The following ZNF839 variants were observed in gnomAD, a reference collection of about 807,000 sequenced individuals.
ZNF839 encodes renal carcinoma antigen NY-REN-50.
In ZNF839, 38 loss-of-function variants were observed where a neutral mutation model predicts 56.4. The observed-to-expected ratio is 0.67, with a 90% CI of 0.52 to 0.88. The LOEUF is 0.88. Ranked by LOEUF, ZNF839 falls within the 40% of genes least tolerant of loss-of-function variation. The pLI, the probability that ZNF839 is intolerant of heterozygous loss-of-function variation, is 0.00. For missense variants in ZNF839, 1,091 were observed against 1,177.6 expected (o/e 0.93, Z 1.08); for synonymous variants, 486 against 493.5 (o/e 0.98, Z 0.20).
In ZNF839 at chr14:102,326,566, A is replaced by T; in HGVS notation, c.870A>T (p.Glu290Asp). The T allele has an allele frequency of 1.2e-6, 2 of 1,614,012 alleles. No homozygotes were observed. The highest frequency in any genetic ancestry group is 1.7e-6 in the Non-Finnish European group (2 of 1,179,874). The change falls in exon 2 of 8, where the codon GAA (glutamate) becomes GAT (aspartate). Residue 290 changes from glutamate (E) to aspartate (D), a missense_variant. Physicochemically the swap from Glu to Asp is conservative, Grantham distance 45. This residue lies in a region of ZNF839 where 614 missense variants were observed against 629.2 expected (regional missense o/e 0.98). Transcript: ENST00000442396. The surrounding 1 kb of genome is among the most constrained non-coding windows in gnomAD (Gnocchi z 4.3). ...SDDYSELCVE[E>D]DEDQRERHAL... is the part of the protein sequence containing the mutation. Reference sequence around the variant, plus strand: ...ATTACTCAGAACTCTGTGTGGAAGAAGATGAAGATCAGAGGGAGAGGCACG... The same window carrying T: ...ATTACTCAGAACTCTGTGTGGAAGATGATGAAGATCAGAGGGAGAGGCACG...
At position 102,320,025 on chromosome 14, in the gene ZNF839, C is replaced by T; in HGVS notation, c.260C>T (p.Pro87Leu). The T allele has an allele frequency of 2.5e-6, 3 of 1,180,172 alleles. No homozygotes were observed. The highest frequency in any genetic ancestry group is 3.1e-6 in the Non-Finnish European group (3 of 955,162). The allele number at this position is 1,180,172 out of a possible 1,614,324, so 73.1% of individuals were successfully genotyped here. The change falls in exon 1 of 8, where the codon CCG (proline) becomes CTG (leucine). Residue 87 changes from proline (P) to leucine (L), a missense_variant. Pro to Leu is a moderately conservative substitution (Grantham distance 98, BLOSUM62 -3). Around this residue, in one of 3 missense-constraint regions of ZNF839, gnomAD observed 614 missense variants for 629.2 expected, o/e 0.98. Coordinates refer to ENST00000442396, the MANE Select transcript of ZNF839 (RefSeq NM_018335.6). Reference protein sequence around the residue: ...ALQRGRGTEPPRLPRLLPPQQ... With the variant: ...ALQRGRGTEPLRLPRLLPPQQ... ...CAGCGGGGCCGGGGCACCGAGCCCC[C>T]GCGCCTGCCGCGCCTGCTCCCGCCC...
upstream of ZNF839, among the ~76,000 whole-genome samples, chr14:102,318,249 G>T (rs375170438): frequency 2.4e-4 from 37 of 152,356 alleles, 2 homozygotes; most frequent in East Asian, 6.9e-3. Context: ...GGAATCGGTG[G>T]AGGTTGCTGC....
Position 102,336,694 on chromosome 14 carries a change from A to G in ZNF839, c.1659+856A>G, listed in dbSNP as rs761687850. 108 of 406,988 alleles carry G rather than the reference A, an allele frequency of 2.7e-4. 1 individual carries two copies. Among genetic ancestry groups the G allele is most frequent in the South Asian group, 1.7e-3 (95 of 54,950 alleles). 25.2% of individuals were successfully genotyped at this position (406,988 alleles called of 1,614,324 possible). Reference sequence around the variant, plus strand: ...GGAAAACACCATAATCTTCCCACTCACTGATGATCAGAGTTAAAACCTCAG... The same window carrying G: ...GGAAAACACCATAATCTTCCCACTCGCTGATGATCAGAGTTAAAACCTCAG... On this transcript the variant is annotated intron_variant, in intron 5 of 7. Transcript: ENST00000442396.
chr14:102,323,392 C>T (rs1243565793), intron 1 of ZNF839, among the ~76,000 whole-genome samples: 1 of 152,228 alleles, frequency 6.6e-6, no homozygotes, highest in Non-Finnish European at 1.5e-5. Context: ...CTCATTATTT[C>T]TGCTCTGTGA....
chr14:102,338,154 G>A (rs1358109987), intron 5 of ZNF839, among the ~76,000 whole-genome samples: 1 of 152,238 alleles, frequency 6.6e-6, no homozygotes, highest in Non-Finnish European at 1.5e-5. Flanking sequence ...GTCAGTAAAG[G>A]AGGGATAGTG....
intron 2 of ZNF839, chr14:102,331,400 C>A: frequency 2.1e-6 from 1 of 471,038 alleles, no homozygotes; most frequent in Non-Finnish European, 3.8e-6. Context: ...AGGCGCGCGC[C>A]ACCGCGCCTG....
At chr14:102,321,162 T>G (rs2073107816) in intron 1 of ZNF839, among the ~76,000 whole-genome samples, 1 of 152,226 alleles carries the variant, frequency 6.6e-6, no homozygotes, top group Admixed American at 6.5e-5. Flanking sequence ...TAAGTCAACC[T>G]TTTTGGACTT....
intron 2 of ZNF839, among the ~76,000 whole-genome samples, chr14:102,329,925 G>A (rs1186651763): frequency 6.8e-6 from 1 of 147,500 alleles, no homozygotes; most frequent in Admixed American, 6.8e-5. Flanking sequence ...TCCCGAGTAG[G>A]TGGGATTACA....
At chr14:102,325,544 C>G (rs964685373) in intron 1 of ZNF839, among the ~76,000 whole-genome samples, 6 of 151,886 alleles carry the variant, frequency 4.0e-5, no homozygotes, top group Non-Finnish European at 7.4e-5. Context: ...GTTGCCCAGG[C>G]TGGAGTGCAG....
intron 1 of ZNF839, among the ~76,000 whole-genome samples, chr14:102,324,936 C>G (rs2073330039): frequency 6.6e-6 from 1 of 152,022 alleles, no homozygotes; most frequent in Non-Finnish European, 1.5e-5. Flanking sequence ...GGCGACAGAG[C>G]AAGGGTCCGT....
At chr14:102,336,733 C>T (rs1247288823) in intron 5 of ZNF839, 32 of 291,326 alleles carry the variant, frequency 1.1e-4, no homozygotes, top group South Asian at 2.0e-4. Context: ...TCATTTTCTT[C>T]TTTTTTTTTT....
Position 102,331,641 on chromosome 14 carries a change from T to C in ZNF839, c.1211T>C (p.Val404Ala), listed in dbSNP as rs2073786747. ...GTCTAGAATGGTCAGTCTGTAGACGTTGAAGAGACATTGCCATCTGAACCA... is the reference window on the plus strand; with the variant it reads ...GTCTAGAATGGTCAGTCTGTAGACGCTGAAGAGACATTGCCATCTGAACCA... ...GGLQNGQSVD[V>A]EETLPSEPEN... Residue 404 changes from valine to alanine, a missense_variant, in exon 3 of 8, where the codon GTT becomes GCT. Physicochemically the swap from Val to Ala is moderately conservative, Grantham distance 64. Coordinates refer to ENST00000442396, the MANE Select transcript of ZNF839 (RefSeq NM_018335.6). The C allele has an allele frequency of 1.2e-6, 2 of 1,611,724 alleles. No homozygotes were observed. The highest frequency in any genetic ancestry group is 1.1e-5 in the South Asian group (1 of 90,560).
rs1173200996 is a variant in ZNF839 at position 102,342,282 on chromosome 14, A to G, written c.*103A>G. 1.4e-6 allele frequency: 2 copies of G among 1,430,692 alleles called. No homozygotes were observed. The highest frequency in any genetic ancestry group is 1.9e-6 in the Non-Finnish European group (2 of 1,061,296). 88.6% of individuals were successfully genotyped at this position (1,430,692 alleles called of 1,614,324 possible). A position where few individuals can be genotyped will look rare whatever the true frequency, so the allele number is the denominator to read the frequency against. Reference sequence around the variant, plus strand: ...TAGATTCGTCTGATTTTATCCAGAGAAGGTCTATGGCAAGCAATGTATATT... The same window carrying G: ...TAGATTCGTCTGATTTTATCCAGAGGAGGTCTATGGCAAGCAATGTATATT... On this transcript the variant is annotated 3_prime_UTR_variant, in exon 8 of 8. Transcript: ENST00000442396.
rs1158691824 is a variant in ZNF839, at chr14:102,328,354, C to CAAA, written c.1191+1487_1191+1489dup. ...GGGCAACAAGAGTGAAACTCCATCT[C>CAAA]AAAAAAAAAAAAAAAAAAAAAATAT... On this transcript the variant is annotated intron_variant, in intron 2 of 7. Transcript: ENST00000442396. Among the ~76,000 whole-genome samples the CAAA allele has an allele frequency of 1.6e-3, 46 of 28,892 alleles. 2 individuals are homozygous for CAAA. Among genetic ancestry groups the CAAA allele is most frequent in the Non-Finnish European group, 2.2e-3 (35 of 15,924 alleles). The allele number at this position is 28,892 out of a possible 152,430, so 19.0% of individuals were successfully genotyped here.
At chr14:102,321,708 T>G (rs903072478) in intron 1 of ZNF839, among the ~76,000 whole-genome samples, 5 of 152,062 alleles carry the variant, frequency 3.3e-5, no homozygotes, top group Non-Finnish European at 7.4e-5. Flanking sequence ...CTAAAGATAG[T>G]GAAAAAGAAC....
At position 102,326,777 on chromosome 14, in the gene ZNF839, G is replaced by C; in HGVS notation, c.1081G>C (p.Glu361Gln). The C allele has an allele frequency of 6.2e-7, 1 of 1,612,882 alleles. No individual in the cohort carries two copies. Among genetic ancestry groups the C allele is most frequent in the Non-Finnish European group, 8.5e-7 (1 of 1,179,524 alleles). ...TGGAAGCACCCTCCGGGGGTGCACG[G>C]AGGAAAGGACGCTCAGCCTGACCTC... is the stretch of plus-strand genomic sequence containing the variant. Reference protein sequence around the residue: ...ASGSTLRGCTEERTLSLTSLG... With the variant: ...ASGSTLRGCTQERTLSLTSLG... The change falls in exon 2 of 8, where the codon GAG becomes CAG. Residue 361 changes from glutamate to glutamine, a missense_variant. Coordinates refer to ENST00000442396, the MANE Select transcript of ZNF839 (RefSeq NM_018335.6). This position sits in a 1 kb window ranked among gnomAD's most constrained non-coding sequence, Gnocchi z 4.3.
At chr14:102,325,537 G>T (rs925178888) in intron 1 of ZNF839, among the ~76,000 whole-genome samples, 6 of 151,668 alleles carry the variant, frequency 4.0e-5, no homozygotes, top group African/African-American at 1.2e-4. Flanking sequence ...TCACTCTGTT[G>T]CCCAGGCTGG....
chr14:102,333,879 T>G (rs1409080295), intron 3 of ZNF839, among the ~76,000 whole-genome samples: 1 of 152,176 alleles, frequency 6.6e-6, no homozygotes, highest in African/African-American at 2.4e-5. Flanking sequence ...AGGCTCAAGC[T>G]GGGAACCCAG....
intron 1 of ZNF839, among the ~76,000 whole-genome samples, chr14:102,321,025 T>C (rs115946032): frequency 4.0e-4 from 61 of 152,390 alleles, no homozygotes; most frequent in African/African-American, 1.4e-3. Context: ...TTTTGACTGA[T>C]GTTAGCTGCT....
Sources: allele counts gnomAD v4.1 joint callset (sites outside exome capture counted in the v4.1 genomes callset), GRCh38; gene constraint gnomAD v4.1.1; regional missense constraint gnomAD v4.1.1; non-coding constraint Gnocchi (gnomAD v3.1); transcripts MANE v1.5; gene names NCBI Gene and HGNC (gene_info 2026-07-23, HGNC 2026-07-21).